The following TSNAX variants were observed in gnomAD, a reference collection of about 807,000 sequenced individuals.
The protein encoded by TSNAX is translin-associated protein X.
Under a neutral mutation model 33.0 loss-of-function variants are expected in TSNAX, and 12 were observed. That is an observed-to-expected ratio of 0.36 (90% CI 0.23 to 0.59). TSNAX has a LOEUF of 0.59. Ranked by LOEUF, TSNAX falls within the 20% of genes least tolerant of loss-of-function variation. The probability of loss-of-function intolerance (pLI) is 0.74; values close to 1 mark genes in which losing one functional copy is unlikely to be tolerated. For synonymous variants in TSNAX, 110 were observed against 117.2 expected (o/e 0.94, Z 0.40); for missense variants, 267 against 341.3 (o/e 0.78, Z 1.72).
At chr1:231,539,385 C>G (rs1244585789) in intron 3 of TSNAX, among the ~76,000 whole-genome samples, 2 of 152,126 alleles carry the variant, frequency 1.3e-5, no homozygotes, top group East Asian at 3.8e-4. Flanking sequence ...GGTTGAGCAT[C>G]CCTTATCTGG....
At position 231,564,559 on chromosome 1, in the gene TSNAX, G is replaced by A. The variant is rs769683037; in HGVS notation, c.527G>A (p.Gly176Asp). The A allele has an allele frequency of 3.1e-6, 5 of 1,613,912 alleles. No individual in the cohort carries two copies. The South Asian group carries it at 5.5e-5, about 18-fold the overall frequency. Residue 176 changes from glycine (G) to aspartate (D), a missense_variant, in exon 6 of 6, where the codon GGT becomes GAT. Coordinates refer to ENST00000366639, the MANE Select transcript of TSNAX (RefSeq NM_005999.3). ...PSSDAQDKQF[G>D]TWRLRVTPVD... ...TCTGATGCACAGGATAAGCAGTTTG[G>A]TACTTGGAGACTGAGAGTCACACCT...
In TSNAX at chr1:231,529,362, A is replaced by G; in HGVS notation, c.121+3A>G. 2.5e-6 allele frequency: 4 copies of G among 1,613,824 alleles called. No individual in the cohort carries two copies. The highest frequency in any genetic ancestry group is 3.4e-6 in the Non-Finnish European group (4 of 1,179,758). On this transcript the variant is annotated splice_donor_region_variant and intron_variant, in intron 2 of 5. Coordinates refer to ENST00000366639, the MANE Select transcript of TSNAX (RefSeq NM_005999.3). ...ACCCGTGATGTTGGCCTTTAAATGT[A>G]AGTTCTCTGCAATGTAAGTTGAAGA...
At chr1:231,539,145 G>C (rs930270887) in intron 3 of TSNAX, among the ~76,000 whole-genome samples, 14 of 151,954 alleles carry the variant, frequency 9.2e-5, no homozygotes, top group Non-Finnish European at 1.8e-4. Flanking sequence ...TAGATAGCTT[G>C]TACATAATAA....
At chr1:231,550,735 TGA>T (rs1385744865) in intron 4 of TSNAX, among the ~76,000 whole-genome samples, 4 of 152,084 alleles carry the variant, frequency 2.6e-5, no homozygotes, top group Admixed American at 6.6e-5. Flanking sequence ...GAGAGTATGA[TGA>T]GAGAGGAACA....
intron 2 of TSNAX, among the ~76,000 whole-genome samples, chr1:231,530,487 G>A (rs1046640483): frequency 4.6e-5 from 7 of 152,080 alleles, no homozygotes; most frequent in African/African-American, 1.2e-4. Context: ...GAGGCCATGA[G>A]TTTGAGACCA....
chr1:231,528,849 G>C, intron 1 of TSNAX, 23 bp downstream of exon 1: 2 of 1,614,140 alleles, frequency 1.2e-6, no homozygotes, highest in Non-Finnish European at 1.7e-6. Context: ...ACAACACGGG[G>C]CGTTATTTAT....
chr1:231,545,790 T>C (rs1452564178), intron 4 of TSNAX, among the ~76,000 whole-genome samples: 1 of 152,176 alleles, frequency 6.6e-6, no homozygotes, highest in Non-Finnish European at 1.5e-5. Flanking sequence ...TTAAGATATG[T>C]TTTTAGCCAC....
At chr1:231,559,001 G>T (rs1317960783) in intron 4 of TSNAX, among the ~76,000 whole-genome samples, 1 of 151,916 alleles carries the variant, frequency 6.6e-6, no homozygotes, top group African/African-American at 2.4e-5. Context: ...CTGGACCTTT[G>T]CCTGGCATTT....
In TSNAX at chr1:231,565,905, C is replaced by G. The variant is rs1295014659; in HGVS notation, c.*1000C>G. The G allele has an allele frequency of 1.3e-5, 2 of 151,432 alleles. No individual in the cohort carries two copies. Among genetic ancestry groups the G allele is most frequent in the African/African-American group, 4.9e-5 (2 of 41,154 alleles). 9.4% of individuals were successfully genotyped at this position (151,432 alleles called of 1,614,324 possible). A position where few individuals can be genotyped will look rare whatever the true frequency, so the allele number is the denominator to read the frequency against. ...TTGTTTTTTTTTAATCACAGTAGGT[C>G]TGATAGAGAATTGGAGCTAAATTAT... On this transcript the variant is annotated 3_prime_UTR_variant, in exon 6 of 6. Transcript: ENST00000366639.
chr1:231,531,763 C>A (rs1030315024), intron 2 of TSNAX, among the ~76,000 whole-genome samples: 1 of 152,030 alleles, frequency 6.6e-6, no homozygotes, highest in Non-Finnish European at 1.5e-5. Flanking sequence ...GCTTGCGGGG[C>A]TGTGGAGTGA....
intron 4 of TSNAX, among the ~76,000 whole-genome samples, chr1:231,544,146 A>G (rs1191646106): frequency 6.6e-6 from 1 of 152,160 alleles, no homozygotes; most frequent in East Asian, 1.9e-4. Context: ...ACTGGGTGGT[A>G]GTGTTGGTGG....
chr1:231,547,175 T>C (rs1225331883), intron 4 of TSNAX, among the ~76,000 whole-genome samples: 1 of 152,186 alleles, frequency 6.6e-6, no homozygotes, highest in Admixed American at 6.5e-5. Flanking sequence ...AGCATTCATT[T>C]GTCTGTTTGA....
At chr1:231,551,647 A>G (rs1660300521) in intron 4 of TSNAX, among the ~76,000 whole-genome samples, 1 of 151,990 alleles carries the variant, frequency 6.6e-6, no homozygotes, top group South Asian at 2.1e-4. Flanking sequence ...AATTTGCTCA[A>G]TACTCGTTCT....
chr1:231,553,682 CTT>C (rs5781656), intron 4 of TSNAX, among the ~76,000 whole-genome samples: 4 of 133,714 alleles, frequency 3.0e-5, no homozygotes, highest in Non-Finnish European at 4.7e-5. Context: ...TCTTTCTTTC[CTT>C]TTTTTTTTTT....
chr1:231,562,137 A>G (rs1368419651), intron 5 of TSNAX, among the ~76,000 whole-genome samples: 2 of 149,156 alleles, frequency 1.3e-5, no homozygotes, highest in Non-Finnish European at 3.0e-5. Flanking sequence ...AATATTTTAA[A>G]ATAATTTATA....
chr1:231,552,735 T>G (rs1660402801), intron 4 of TSNAX, among the ~76,000 whole-genome samples: 2 of 152,206 alleles, frequency 1.3e-5, no homozygotes, highest in Admixed American at 6.5e-5. Flanking sequence ...TAGCGGTCAT[T>G]CCCCATTCCC....
chr1:231,564,939 G>C lies in TSNAX; in HGVS notation c.*34G>C. 1 of 1,587,976 alleles carries C rather than the reference G, an allele frequency of 6.3e-7. No homozygotes were observed. ...GTTACTCAGTTACTAATTCTTTTGAGAACTCCTAAGAGACCAATTTGTAAG... is the reference window on the plus strand; with the variant it reads ...GTTACTCAGTTACTAATTCTTTTGACAACTCCTAAGAGACCAATTTGTAAG... On this transcript the variant is annotated 3_prime_UTR_variant, in exon 6 of 6. Coordinates refer to ENST00000366639, the MANE Select transcript of TSNAX (RefSeq NM_005999.3).
intron 1 of TSNAX, among the ~76,000 whole-genome samples, 173 bp downstream of exon 1, chr1:231,528,999 T>C (rs1658463609): frequency 6.6e-6 from 1 of 152,352 alleles, no homozygotes; most frequent in South Asian, 2.1e-4. Flanking sequence ...ACCTCCTTTT[T>C]TCTTAAATTT....
In TSNAX at chr1:231,529,262, A is replaced by T. The variant is rs1558115551; in HGVS notation, c.24A>T (p.Gly8=). MSNKEGS[G]GFRKRKHDNF... is the part of the protein sequence containing the mutation. ...TTTTCTTCTCTATATAAGGATCAGGAGGGTTCAGGAAAAGGAAGCATGACA... is the reference window on the plus strand; with the variant it reads ...TTTTCTTCTCTATATAAGGATCAGGTGGGTTCAGGAAAAGGAAGCATGACA... The change falls in exon 2 of 6, where the codon GGA becomes GGT. Residue 8 remains glycine (G), a synonymous_variant. Transcript: ENST00000366639. 6.2e-7 allele frequency: 1 copy of T among 1,614,064 alleles called. No individual in the cohort carries two copies. Among genetic ancestry groups the T allele is most frequent in the Admixed American group, 1.7e-5 (1 of 60,020 alleles).
Sources: allele counts gnomAD v4.1 joint callset (sites outside exome capture counted in the v4.1 genomes callset), GRCh38; gene constraint gnomAD v4.1.1; transcripts MANE v1.5; gene names NCBI Gene and HGNC (gene_info 2026-07-23, HGNC 2026-07-21).